IL31RA: variants seen among roughly 807,000 people sequenced by gnomAD.
IL31RA encodes interleukin 31 receptor A.
IL31RA carries 66 observed loss-of-function variants against 83.7 expected under a neutral mutation model. The observed-to-expected ratio is 0.79, with a 90% CI of 0.65 to 0.97. The LOEUF (loss-of-function observed/expected upper bound fraction) is 0.97. Ranked by LOEUF, IL31RA falls within the 50% of genes least tolerant of loss-of-function variation. The probability of loss-of-function intolerance (pLI) is 0.00; values close to 1 mark genes in which losing one functional copy is unlikely to be tolerated. For synonymous variants in IL31RA, 325 were observed against 329.0 expected, an observed-to-expected ratio of 0.99 and a Z score of 0.13; for missense variants, 798 against 919.4, an observed-to-expected ratio of 0.87 and a Z score of 1.71.
intron 8 of IL31RA, among the ~76,000 whole-genome samples, chr5:55,902,658 A>C (rs1399348175): frequency 6.6e-6 from 1 of 152,102 alleles, no homozygotes; most frequent in African/African-American, 2.4e-5. Flanking sequence ...AAAGAAAGTA[A>C]TATTCTACAG....
intron 7 of IL31RA, among the ~76,000 whole-genome samples, chr5:55,897,301 C>T (rs1463743850): frequency 1.3e-5 from 2 of 151,476 alleles, no homozygotes; most frequent in Non-Finnish European, 2.9e-5. Context: ...CCCTATAGGT[C>T]ATCTTGCAGA....
chr5:55,859,631 G>A lies in IL31RA; in HGVS notation c.154+32G>A, dbSNP rs1375676984. 4 of 1,405,022 alleles carry A rather than the reference G, an allele frequency of 2.8e-6. No individual in the cohort carries two copies. In the African/African-American group the frequency reaches 5.6e-5, roughly 20 times the overall value. 87.0% of individuals were successfully genotyped at this position (1,405,022 alleles called of 1,614,324 possible). Reference sequence around the variant, plus strand: ...TGACCTGGGCCCTTTTACAGATCATGTGATTATTATTGCCTTCTTTGGACA... The same window carrying A: ...TGACCTGGGCCCTTTTACAGATCATATGATTATTATTGCCTTCTTTGGACA... On this transcript the variant is annotated intron_variant, in intron 2 of 14. Transcript: ENST00000652347.
intron 6 of IL31RA, among the ~76,000 whole-genome samples, chr5:55,892,813 C>T (rs1349370828): frequency 6.6e-6 from 1 of 152,182 alleles, no homozygotes; most frequent in Non-Finnish European, 1.5e-5. Context: ...TTTGCTATTT[C>T]ATCTGATTTA....
chr5:55,890,200 G>T (rs756243768), intron 6 of IL31RA, 65 bp downstream of exon 6: 297 of 1,541,614 alleles, frequency 1.9e-4, no homozygotes, highest in Non-Finnish European at 2.5e-4. Context: ...GGCTAGACTT[G>T]GTGGGGTTTG....
chr5:55,867,163 G>T (rs1561543043), intron 2 of IL31RA, among the ~76,000 whole-genome samples: 3 of 73,826 alleles, frequency 4.1e-5, no homozygotes, highest in East Asian at 3.5e-4. Context: ...GTGTTTGTGT[G>T]TGTGCATGTG....
intron 9 of IL31RA, among the ~76,000 whole-genome samples, chr5:55,907,034 T>C (rs534564411): frequency 2.8e-4 from 43 of 152,358 alleles, no homozygotes; most frequent in African/African-American, 9.9e-4. Context: ...TGATATGTTG[T>C]TCTAGAACTT....
intron 4 of IL31RA, 28 bp from the exon 5 acceptor site, chr5:55,883,016 A>G (rs1242747582): frequency 2.5e-6 from 4 of 1,610,756 alleles, no homozygotes; most frequent in Non-Finnish European, 3.4e-6. Flanking sequence ...TTTTGCAGAT[A>G]TGAGAGTTGT....
chr5:55,882,221 T>C (rs143946480), intron 4 of IL31RA, among the ~76,000 whole-genome samples: 1 of 152,322 alleles, frequency 6.6e-6, no homozygotes, highest in African/African-American at 2.4e-5. Context: ...CCTGATTAGC[T>C]ACCTACTGTA....
At position 55,917,434 on chromosome 5, in the gene IL31RA, AC is replaced by A; in HGVS notation, c.*319del. On this transcript the variant is annotated 3_prime_UTR_variant, in exon 15 of 15. Transcript: ENST00000652347. Reference sequence around the variant, plus strand: ...AGGGCCCAGGTTCTGAGCCCAAAGGACCCCCAGGGTGGACATATCTGGCCTC... The same window carrying A: ...AGGGCCCAGGTTCTGAGCCCAAAGGACCCCAGGGTGGACATATCTGGCCTC... 1.2e-6 allele frequency: 1 copy of A among 816,576 alleles called. No individual in the cohort carries two copies. The highest frequency in any genetic ancestry group is 1.7e-6 in the Non-Finnish European group (1 of 605,644). 50.6% of individuals were successfully genotyped at this position (816,576 alleles called of 1,614,324 possible). A position where few individuals can be genotyped will look rare whatever the true frequency, so the allele number is the denominator to read the frequency against.
intron 4 of IL31RA, among the ~76,000 whole-genome samples, chr5:55,880,345 C>T (rs1747128837): frequency 1.3e-5 from 2 of 152,088 alleles, no homozygotes; most frequent in Admixed American, 1.3e-4. Flanking sequence ...AGGGATTTTG[C>T]TTTCTAAAAC....
intron 13 of IL31RA, among the ~76,000 whole-genome samples, chr5:55,914,101 G>A (rs1340597473): frequency 6.6e-6 from 1 of 152,242 alleles, no homozygotes; most frequent in Non-Finnish European, 1.5e-5. Context: ...AAGAAAGCAT[G>A]TCTTCAGGGT....
In IL31RA at chr5:55,919,328, G is replaced by A. The variant is rs1749976537; in HGVS notation, c.*2208G>A. Among the ~76,000 whole-genome samples, 1 of 152,180 alleles carries A rather than the reference G, an allele frequency of 6.6e-6. No homozygotes were observed. Among genetic ancestry groups the A allele is most frequent in the Admixed American group, 6.5e-5 (1 of 15,274 alleles). On this transcript the variant is annotated 3_prime_UTR_variant, in exon 15 of 15. Transcript: ENST00000652347. ...ACACCTGGATGTAGATGAAGCTTCTGAACCTAAAATCTAAGAATTTGATGG... is the reference window on the plus strand; with the variant it reads ...ACACCTGGATGTAGATGAAGCTTCTAAACCTAAAATCTAAGAATTTGATGG...
intron 4 of IL31RA, among the ~76,000 whole-genome samples, chr5:55,880,404 A>G (rs1482163491): frequency 6.6e-6 from 1 of 152,224 alleles, no homozygotes; most frequent in Non-Finnish European, 1.5e-5. Flanking sequence ...ATTATTTTAC[A>G]TTGCATGCCT....
chr5:55,875,794 A>T (rs904787267), intron 4 of IL31RA, among the ~76,000 whole-genome samples: 3 of 152,210 alleles, frequency 2.0e-5, no homozygotes, highest in Admixed American at 6.5e-5. Context: ...GTATCTATTT[A>T]AATATTCTGT....
chr5:55,890,182 C>T (rs975576652), intron 6 of IL31RA, 47 bp downstream of exon 6: 1 of 1,586,744 alleles, frequency 6.3e-7, no homozygotes, highest in Non-Finnish European at 8.6e-7. Flanking sequence ...TGGTGTAGGG[C>T]TGCTTTGGGC....
At position 55,917,298 on chromosome 5, in the gene IL31RA, G is replaced by A; in HGVS notation, c.*178G>A. 1.0e-5 allele frequency: 15 copies of A among 1,500,656 alleles called. No homozygotes were observed. Among genetic ancestry groups the A allele is most frequent in the Non-Finnish European group, 1.2e-5 (14 of 1,131,724 alleles). 93.0% of individuals were successfully genotyped at this position (1,500,656 alleles called of 1,614,324 possible). A position where few individuals can be genotyped will look rare whatever the true frequency, so the allele number is the denominator to read the frequency against. Reference sequence around the variant, plus strand: ...TCGGCAAAGATGCGACCTTGTACTGGGAAGAAGGGATGGTGATAAGCCCGA... The same window carrying A: ...TCGGCAAAGATGCGACCTTGTACTGAGAAGAAGGGATGGTGATAAGCCCGA... On this transcript the variant is annotated 3_prime_UTR_variant, in exon 15 of 15. Coordinates refer to ENST00000652347, the MANE Select transcript of IL31RA (RefSeq NM_139017.7).
In IL31RA at chr5:55,918,919, CT is replaced by C. The variant is rs1417328557; in HGVS notation, c.*1800del. The stretch of plus-strand genomic sequence containing the variant: ...GGAATAAGACTCTAGGGCAATGCCC[CT>C]GTCCCGTTGTCCTGCACTCAAGTCC... On this transcript the variant is annotated 3_prime_UTR_variant, in exon 15 of 15. Coordinates refer to ENST00000652347, the MANE Select transcript of IL31RA (RefSeq NM_139017.7). Among the ~76,000 whole-genome samples the C allele has an allele frequency of 1.3e-5, 2 of 152,160 alleles. No homozygotes were observed. The highest frequency in any genetic ancestry group is 3.9e-4 in the East Asian group (2 of 5,188).
At chr5:55,865,054 C>T (rs1745960336) in intron 2 of IL31RA, among the ~76,000 whole-genome samples, 1 of 152,202 alleles carries the variant, frequency 6.6e-6, no homozygotes, top group Non-Finnish European at 1.5e-5. Context: ...TGCACTTCCT[C>T]CTGACAGTTG....
chr5:55,840,521 TC>T, the IL31RA span, among the ~76,000 whole-genome samples: 1 of 152,204 alleles, frequency 6.6e-6, no homozygotes, highest in Non-Finnish European at 1.5e-5. Context: ...GAACTTACAT[TC>T]TGATGATTGA....
Sources: allele counts gnomAD v4.1 joint callset (sites outside exome capture counted in the v4.1 genomes callset), GRCh38; gene constraint gnomAD v4.1.1; transcripts MANE v1.5; gene names NCBI Gene and HGNC (gene_info 2026-07-23, HGNC 2026-07-21).